The following GRIK2 variants were observed in gnomAD, a reference collection of about 807,000 sequenced individuals.
The protein encoded by GRIK2 is glutamate ionotropic receptor kainate type subunit 2.
A neutral mutation model predicts 100.3 loss-of-function variants in GRIK2; 32 were observed. The observed-to-expected ratio is 0.32, with a 90% confidence interval of 0.24 to 0.43. The LOEUF (loss-of-function observed/expected upper bound fraction) is 0.43. GRIK2 is among the 20% of genes least tolerant of loss of function. The probability of loss-of-function intolerance (pLI) is 1.00; values close to 1 mark genes in which losing one functional copy is unlikely to be tolerated. For synonymous variants in GRIK2, 417 were observed against 389.4 expected (o/e 1.07, Z -0.83); for missense variants, 843 against 1,114.9 (o/e 0.76, Z 3.47).
intron 12 of GRIK2, among the ~76,000 whole-genome samples, chr6:101,923,390 A>C (rs1789679231): frequency 1.3e-5 from 2 of 152,296 alleles, no homozygotes. Flanking sequence ...GTTTATGGAT[A>C]ATTCCATTAA....
intron 2 of GRIK2, among the ~76,000 whole-genome samples, chr6:101,497,792 C>G (rs1323270823): frequency 6.6e-6 from 1 of 151,868 alleles, no homozygotes; most frequent in Non-Finnish European, 1.5e-5. Flanking sequence ...AAATTTATGG[C>G]TAAAATGTTT....
At chr6:101,707,602 GTGTGTATA>G (rs1368765702) in intron 7 of GRIK2, among the ~76,000 whole-genome samples, 1,366 of 127,304 alleles carry the variant, frequency 0.011, 50 homozygotes, top group African/African-American at 0.041. Flanking sequence ...GTGTATATAT[GTGTGTATA>G]TATATATATA....
At chr6:101,501,649 T>C (rs1202035216) in intron 2 of GRIK2, among the ~76,000 whole-genome samples, 1 of 152,216 alleles carries the variant, frequency 6.6e-6, no homozygotes, top group Non-Finnish European at 1.5e-5. Context: ...TTGTTTTGTT[T>C]TAAAGTAACA....
At chr6:101,686,124 C>A in intron 6 of GRIK2, 56 bp from the exon 7 acceptor site, 1 of 1,428,314 alleles carries the variant, frequency 7.0e-7, no homozygotes, top group Non-Finnish European at 9.7e-7. Context: ...TTCAGTAATA[C>A]ATGCCTGTGA....
intron 11 of GRIK2, among the ~76,000 whole-genome samples, chr6:101,867,109 C>T (rs557832408): frequency 1.1e-3 from 171 of 151,964 alleles, no homozygotes; most frequent in Non-Finnish European, 1.9e-3. Flanking sequence ...CTTTCATCCA[C>T]TTGTGGTTTG....
At chr6:101,661,708 C>A (rs1398223245) in intron 4 of GRIK2, among the ~76,000 whole-genome samples, 1 of 152,080 alleles carries the variant, frequency 6.6e-6, no homozygotes, top group Non-Finnish European at 1.5e-5. Flanking sequence ...TCTCTCATGG[C>A]TTCCCTTGGC....
rs904125128 is a variant in GRIK2 at position 101,736,265 on chromosome 6, T to C, written c.951+49912T>C. Among the ~76,000 whole-genome samples the C allele has an allele frequency of 5.3e-5, 8 of 152,198 alleles. No homozygotes were observed. The East Asian group carries it at 1.2e-3, about 22-fold the overall frequency. On this transcript the variant is annotated intron_variant, in intron 7 of 16. Transcript: ENST00000369134. ...TCAGTGGATCTATCATTCTGGGGTCTGGAGGATGGTGGCCCTTTTCTCACA... is the reference window on the plus strand; with the variant it reads ...TCAGTGGATCTATCATTCTGGGGTCCGGAGGATGGTGGCCCTTTTCTCACA...
chr6:101,646,751 G>T (rs1348864565), intron 4 of GRIK2, among the ~76,000 whole-genome samples: 1 of 151,826 alleles, frequency 6.6e-6, no homozygotes, highest in East Asian at 1.9e-4. Flanking sequence ...GCCTGATAGA[G>T]AAATTAAAAC....
chr6:101,826,269 A>T (rs1782322065), intron 10 of GRIK2, among the ~76,000 whole-genome samples: 1 of 152,042 alleles, frequency 6.6e-6, no homozygotes, highest in African/African-American at 2.4e-5. Flanking sequence ...CTGCTTTGAG[A>T]GGCACTGTAC....
chr6:101,855,939 C>T (rs1784405410), intron 10 of GRIK2, among the ~76,000 whole-genome samples: 1 of 152,060 alleles, frequency 6.6e-6, no homozygotes, highest in South Asian at 2.1e-4. Context: ...TTAGTAGAAT[C>T]AGTATATATT....
intron 2 of GRIK2, among the ~76,000 whole-genome samples, chr6:101,510,291 A>G (rs556919482): frequency 1.1e-4 from 16 of 152,178 alleles, no homozygotes; most frequent in African/African-American, 3.9e-4. Context: ...AAGAGATGGG[A>G]GGCTTATCAT....
chr6:101,394,661 T>G (rs1022520946), intron 1 of GRIK2, among the ~76,000 whole-genome samples: 1 of 152,244 alleles, frequency 6.6e-6, no homozygotes, highest in African/African-American at 2.4e-5. Context: ...AGATGATTGG[T>G]TCATTTGAGT....
chr6:101,630,471 A>G (rs1780673664), intron 4 of GRIK2, among the ~76,000 whole-genome samples: 1 of 152,098 alleles, frequency 6.6e-6, no homozygotes, highest in South Asian at 2.1e-4. Context: ...AGTGATGCTG[A>G]ACGTTTCTTT....
At chr6:101,589,622 T>A (rs909259790) in intron 2 of GRIK2, among the ~76,000 whole-genome samples, 1 of 152,166 alleles carries the variant, frequency 6.6e-6, no homozygotes, top group African/African-American at 2.4e-5. Context: ...GAGGATAGTT[T>A]TAATGGTTAT....
Position 101,889,769 on chromosome 6 carries a change from G to A in GRIK2, c.1654G>A (p.Val552Ile), listed in dbSNP as rs780955412. 1.8e-5 allele frequency: 29 copies of A among 1,613,128 alleles called. No individual in the cohort carries two copies. Among genetic ancestry groups the A allele is most frequent in the East Asian group, 6.7e-5 (3 of 44,850 alleles). ...CAAGCCCAATGGTACAAACCCAGGC[G>A]TCTTCTCCTTCCTGAATCCTCTCTC... ...YRKPNGTNPGVFSFLNPLSPD... is the reference protein window; with the variant it reads ...YRKPNGTNPGIFSFLNPLSPD... The change falls in exon 12 of 17, where the codon GTC becomes ATC. Residue 552 changes from valine to isoleucine, a missense_variant. This residue lies in a region of GRIK2 where 237 missense variants were observed against 388.0 expected (regional missense o/e 0.61). Transcript: ENST00000369134.
At chr6:101,438,472 T>C (rs1213694147) in intron 2 of GRIK2, among the ~76,000 whole-genome samples, 1 of 152,064 alleles carries the variant, frequency 6.6e-6, no homozygotes, top group Non-Finnish European at 1.5e-5. Context: ...TGTAAATAGC[T>C]CCACTATCGT....
At chr6:101,985,873 G>A (rs1426312358) in intron 14 of GRIK2, among the ~76,000 whole-genome samples, 1 of 151,774 alleles carries the variant, frequency 6.6e-6, no homozygotes, top group East Asian at 1.9e-4. Flanking sequence ...CAAATTTTGT[G>A]TATATATAAT....
At chr6:101,584,110 A>G (rs1431087409) in intron 2 of GRIK2, among the ~76,000 whole-genome samples, 1 of 152,098 alleles carries the variant, frequency 6.6e-6, no homozygotes, top group African/African-American at 2.4e-5. Context: ...CTGTTAAAGA[A>G]AAAATATGAT....
chr6:101,568,998 A>C (rs1032930547), intron 2 of GRIK2, among the ~76,000 whole-genome samples: 1 of 152,016 alleles, frequency 6.6e-6, no homozygotes, highest in African/African-American at 2.4e-5. Context: ...GGCAATTACA[A>C]AGACAAGGAC....
Sources: gnomAD v4.1 joint callset for allele counts (sites outside exome capture counted in the v4.1 genomes callset) on GRCh38, gnomAD v4.1.1 for gene constraint, gnomAD v4.1.1 regional missense constraint, MANE v1.5 for transcripts, NCBI Gene and HGNC (gene_info 2026-07-23, HGNC 2026-07-21) for gene names.